The following SFI1 variants were observed in gnomAD, a reference collection of about 807,000 sequenced individuals.
The protein encoded by SFI1 is protein SFI1 homolog.
SFI1 carries 195 observed loss-of-function variants against 207.5 expected under a neutral mutation model. That is an observed-to-expected ratio of 0.94 (90% CI 0.84 to 1.06). The LOEUF is 1.06. Among genes scored for constraint, SFI1 ranks in the 50% least tolerant of loss-of-function variants. The pLI, the probability that SFI1 is intolerant of heterozygous loss-of-function variation, is 0.00. For missense variants in SFI1, 1,634 were observed against 1,588.0 expected (o/e 1.03, Z -0.49); for synonymous variants, 630 against 598.9 (o/e 1.05, Z -0.76).
intron 1 of SFI1, among the ~76,000 whole-genome samples, chr22:31,499,275 A>C (rs971671005): frequency 1.3e-5 from 2 of 151,384 alleles, no homozygotes; most frequent in Non-Finnish European, 1.5e-5. Flanking sequence ...GCTCACCACA[A>C]CCTCCGCCTC....
At chr22:31,577,136 A>G (rs953625397) in intron 10 of SFI1, among the ~76,000 whole-genome samples, 1 of 152,204 alleles carries the variant, frequency 6.6e-6, no homozygotes, top group Non-Finnish European at 1.5e-5. Context: ...AGACATGAAA[A>G]TATGTCTTTA....
intron 4 of SFI1, among the ~76,000 whole-genome samples, chr22:31,540,048 T>C (rs1350826139): frequency 6.6e-6 from 1 of 151,716 alleles, no homozygotes; most frequent in Non-Finnish European, 1.5e-5. Flanking sequence ...TGAAGACTTA[T>C]AACTTGAAGG....
rs751634187 is a variant in SFI1 at position 31,585,092 on chromosome 22, C to T, written c.1371C>T (p.Ile457=). 18 of 1,613,822 alleles carry T rather than the reference C, an allele frequency of 1.1e-5. 1 individual carries two copies. The Middle Eastern group carries it at 6.6e-4, about 59-fold the overall frequency. Residue 457 remains isoleucine, a synonymous_variant, in exon 14 of 33, where the codon ATC becomes ATT. Coordinates refer to ENST00000400288, the MANE Select transcript of SFI1 (RefSeq NM_001007467.3). ...GAATAGCACTGCTGTGCAAATGTAT[C>T]GAATTGTGGCTACAGTATACTCAGA... ...HYRIALLCKC[I]ELWLQYTQKR...
chr22:31,530,614 G>C (rs765022221), intron 3 of SFI1: 1 of 471,052 alleles, frequency 2.1e-6, no homozygotes. Context: ...CAGAGGGAAT[G>C]ACAGACACCC....
intron 20 of SFI1, 60 bp downstream of exon 20, chr22:31,605,005 C>G: frequency 6.8e-7 from 1 of 1,466,804 alleles, no homozygotes; most frequent in Non-Finnish European, 9.2e-7. Flanking sequence ...ACTCCAAACC[C>G]CAGCCTTTTA....
chr22:31,608,647 TA>T (rs1569456189), intron 22 of SFI1, among the ~76,000 whole-genome samples: 83 of 151,566 alleles, frequency 5.5e-4, no homozygotes, highest in African/African-American at 1.9e-3. Context: ...TACAGAGAAA[TA>T]AAGAAAAGAA....
chr22:31,579,625 G>GT (rs1343950660), intron 11 of SFI1, among the ~76,000 whole-genome samples: 3 of 152,008 alleles, frequency 2.0e-5, no homozygotes, highest in Admixed American at 1.3e-4. Flanking sequence ...TAATTTTTTA[G>GT]TTTTTTTATA....
intron 9 of SFI1, 32 bp downstream of exon 9, chr22:31,573,246 A>T (rs1394459413): frequency 1.9e-6 from 3 of 1,608,898 alleles, no homozygotes; most frequent in Non-Finnish European, 2.5e-6. Flanking sequence ...CTCGAGATAG[A>T]GGATCTGGTC....
chr22:31,582,711 C>T (rs2064497047), intron 12 of SFI1, among the ~76,000 whole-genome samples: 2 of 152,056 alleles, frequency 1.3e-5, no homozygotes, highest in African/African-American at 4.8e-5. Context: ...AAACTCTGTA[C>T]CCATTTCCTC....
chr22:31,499,860 C>T (rs563349136), intron 1 of SFI1, among the ~76,000 whole-genome samples: 2 of 151,412 alleles, frequency 1.3e-5, no homozygotes, highest in Admixed American at 6.6e-5. Context: ...CGGTGGTATG[C>T]GCCTGTAGTC....
chr22:31,604,311 C>G lies in SFI1; in HGVS notation c.1884C>G (p.Cys628Trp), dbSNP rs2068604164. The change falls in exon 19 of 33, where the codon TGC becomes TGG. Residue 628 changes from cysteine to tryptophan, a missense_variant and splice_region_variant. Physicochemically the swap from Cys to Trp is radical, Grantham distance 215. Coordinates refer to ENST00000400288, the MANE Select transcript of SFI1 (RefSeq NM_001007467.3). ...LRWAWSQWRE[C>W]LALRGAERQK... is the part of the protein sequence containing the mutation. ...GCTGCTTTCTCCTCTGTCTGCAGTG[C>G]CTGGCCCTGCGGGGAGCGGAGCGGC... is the stretch of plus-strand genomic sequence containing the variant. The G allele has an allele frequency of 3.8e-6, 6 of 1,572,024 alleles. No homozygotes were observed. The highest frequency in any genetic ancestry group is 2.3e-5 in the East Asian group (1 of 43,132).
intron 1 of SFI1, among the ~76,000 whole-genome samples, chr22:31,498,082 C>T (rs904662704): frequency 6.6e-6 from 1 of 152,152 alleles, no homozygotes; most frequent in Non-Finnish European, 1.5e-5. Context: ...ATCACGAGGT[C>T]AGGAGTTTGA....
At chr22:31,593,210 C>A (rs1254622463) in intron 15 of SFI1, among the ~76,000 whole-genome samples, 1 of 150,976 alleles carries the variant, frequency 6.6e-6, no homozygotes, top group Non-Finnish European at 1.5e-5. Context: ...GGGGCGGCTG[C>A]CGGGCGGAGG....
intron 15 of SFI1, among the ~76,000 whole-genome samples, chr22:31,598,506 G>T (rs1365502269): frequency 6.7e-6 from 1 of 149,076 alleles, no homozygotes; most frequent in Non-Finnish European, 1.5e-5. Context: ...TGCAAGCTCT[G>T]CCTCCCAGGT....
At chr22:31,602,019 C>T (rs2068200530) in intron 15 of SFI1, among the ~76,000 whole-genome samples, 193 bp from the exon 16 acceptor site, 3 of 151,992 alleles carry the variant, frequency 2.0e-5, no homozygotes, top group Admixed American at 2.0e-4. Flanking sequence ...TCTTGGCCTC[C>T]AGCGATCCTC....
chr22:31,537,795 A>C (rs1355694956), intron 4 of SFI1, among the ~76,000 whole-genome samples: 1 of 152,176 alleles, frequency 6.6e-6, no homozygotes, highest in Non-Finnish European at 1.5e-5. Context: ...GTTAAAATCA[A>C]GTAGGTTCTT....
rs115594977 is a variant in SFI1, at chr22:31,563,199, C to T, written c.765+1807C>T. Among the ~76,000 whole-genome samples the T allele has an allele frequency of 2.9e-3, 442 of 151,954 alleles. 1 individual carries two copies. Among genetic ancestry groups the T allele is most frequent in the African/African-American group, 0.01 (424 of 41,438 alleles). On this transcript the variant is annotated intron_variant, in intron 8 of 32. Transcript: ENST00000400288. The stretch of plus-strand genomic sequence containing the variant: ...GTAGTGATGGGGTTTCACCGTGTTG[C>T]CCAGGGTGGTTGCTAACTCCTGAGC...
At chr22:31,516,768 A>G (rs2056573382) in intron 2 of SFI1, among the ~76,000 whole-genome samples, 1 of 151,746 alleles carries the variant, frequency 6.6e-6, no homozygotes, top group Non-Finnish European at 1.5e-5. Context: ...CAGCCTGACC[A>G]ACATGGAGAA....
chr22:31,569,724 G>T (rs2062753378), intron 8 of SFI1, among the ~76,000 whole-genome samples: 1 of 152,100 alleles, frequency 6.6e-6, no homozygotes, highest in South Asian at 2.1e-4. Flanking sequence ...AAGGCGGGGG[G>T]ACAGCTTGAG....
Sources: gnomAD v4.1 joint callset for allele counts (sites outside exome capture counted in the v4.1 genomes callset) on GRCh38, gnomAD v4.1.1 for gene constraint, MANE v1.5 for transcripts, NCBI Gene and HGNC (gene_info 2026-07-23, HGNC 2026-07-21) for gene names.